The following SH3TC2 variants were observed in gnomAD, a reference collection of about 807,000 sequenced individuals.
SH3TC2 encodes SH3 domain and tetratricopeptide repeat-containing protein 2.
Under a neutral mutation model 124.5 loss-of-function variants are expected in SH3TC2, and 87 were observed. The observed-to-expected ratio is 0.70, with a 90% CI of 0.59 to 0.84. The LOEUF (loss-of-function observed/expected upper bound fraction) is 0.84. Ranked by LOEUF, SH3TC2 falls within the 40% of genes least tolerant of loss-of-function variation. The pLI is 0.00. For synonymous variants in SH3TC2, 634 were observed against 628.5 expected (o/e 1.01, Z -0.13); for missense variants, 1,536 against 1,566.4 (o/e 0.98, Z 0.33).
At chr5:149,036,403 T>C (rs1018971231) in intron 8 of SH3TC2, among the ~76,000 whole-genome samples, 5 of 152,160 alleles carry the variant, frequency 3.3e-5, no homozygotes, top group African/African-American at 1.2e-4. Context: ...TCTTCCTCTC[T>C]GTGGCTCCTC....
At position 148,986,100 on chromosome 5, in the gene SH3TC2, A is replaced by T. The variant is rs1160147092; in HGVS notation, c.*18611T>A. On this transcript the variant is annotated 3_prime_UTR_variant, in exon 17 of 17. Coordinates refer to ENST00000515425, the MANE Select transcript of SH3TC2 (RefSeq NM_024577.4). ...AGTAAGGCTGTTTTGATCCAATTAT[A>T]ATCAATTTTCACTCACTAAGGCCCT... Among the ~76,000 whole-genome samples, 1 of 152,194 alleles carries T rather than the reference A, an allele frequency of 6.6e-6. No homozygotes were observed. The highest frequency in any genetic ancestry group is 1.5e-5 in the Non-Finnish European group (1 of 68,030).
rs1295103017 is a variant in SH3TC2 at position 148,987,014 on chromosome 5, A to T, written c.*17697T>A. Among the ~76,000 whole-genome samples, 4 of 152,250 alleles carry T rather than the reference A, an allele frequency of 2.6e-5. No individual in the cohort carries two copies. The highest frequency in any genetic ancestry group is 9.6e-5 in the African/African-American group (4 of 41,466). ...TAAAATGATTTTTGGAAAATGAAATATTAATTCCCCAGCTAATGTATTTCA... is the reference window on the plus strand; with the variant it reads ...TAAAATGATTTTTGGAAAATGAAATTTTAATTCCCCAGCTAATGTATTTCA... On this transcript the variant is annotated 3_prime_UTR_variant, in exon 17 of 17. Transcript: ENST00000515425.
At chr5:149,035,749 G>A (rs1478944320) in intron 8 of SH3TC2, 1 of 152,142 alleles carries the variant, frequency 6.6e-6, no homozygotes, top group African/African-American at 2.4e-5. Flanking sequence ...GAATGTCATA[G>A]TCCACCTCAC....
chr5:149,040,111 T>C (rs1754343683), intron 7 of SH3TC2, among the ~76,000 whole-genome samples: 1 of 152,202 alleles, frequency 6.6e-6, no homozygotes, highest in Admixed American at 6.5e-5. Context: ...TGTGTGTGTG[T>C]ATATAATTCA....
rs1753315768 is a variant in SH3TC2, at chr5:148,985,324, C to T, written c.*19387G>A. Among the ~76,000 whole-genome samples the T allele has an allele frequency of 6.6e-6, 1 of 152,170 alleles. No homozygotes were observed. The highest frequency in any genetic ancestry group is 1.5e-5 in the Non-Finnish European group (1 of 68,010). On this transcript the variant is annotated 3_prime_UTR_variant, in exon 17 of 17. Transcript: ENST00000515425. ...AATGCATTCAATGCCATCACTACTA[C>T]AATCAAGATATAGAACAGCTCCATC...
At position 149,017,602 on chromosome 5, in the gene SH3TC2, G is replaced by A. The variant is rs1040633721; in HGVS notation, c.3054-4868C>T. ...AAAAGAAATTAAAATCAGTAAAAAG[G>A]CAGCATAAGATCATAAATTGAGAAG... is the stretch of plus-strand genomic sequence containing the variant. On this transcript the variant is annotated intron_variant, in intron 12 of 16. Transcript: ENST00000515425. 2.0e-5 allele frequency among the ~76,000 whole-genome samples: 3 copies of A among 152,114 alleles called. No individual in the cohort carries two copies. The East Asian group carries it at 5.8e-4, about 29-fold the overall frequency.
chr5:149,052,264 C>A, intron 1 of SH3TC2, 24 bp from the exon 2 acceptor site: 2 of 1,555,966 alleles, frequency 1.3e-6, no homozygotes, highest in South Asian at 2.2e-5. Flanking sequence ...AATAAAAGGT[C>A]ATCTTAAGAG....
chr5:149,052,054 A>G lies in SH3TC2; in HGVS notation c.151+88T>C, dbSNP rs1197651404. The G allele has an allele frequency of 5.3e-6, 5 of 939,982 alleles. No individual in the cohort carries two copies. In the African/African-American group the frequency reaches 8.1e-5, roughly 15 times the overall value. The allele number at this position is 939,982 out of a possible 1,614,324, so 58.2% of individuals were successfully genotyped here. On this transcript the variant is annotated intron_variant, in intron 2 of 16. Coordinates refer to ENST00000515425, the MANE Select transcript of SH3TC2 (RefSeq NM_024577.4). ...AAAATCTTTTCATCAAGAGGGAAAG[A>G]GGGAGGGGCTCTTTAGATGGGAAAG...
intron 9 of SH3TC2, 27 bp downstream of exon 9, chr5:149,031,527 T>G: frequency 3.7e-6 from 6 of 1,614,064 alleles, no homozygotes; most frequent in Non-Finnish European, 5.1e-6. Context: ...CCCAGGCTTT[T>G]GAAGGTGTCT....
At chr5:149,008,549 G>A (rs367827211) in intron 15 of SH3TC2, 70 of 476,714 alleles carry the variant, frequency 1.5e-4, no homozygotes, top group African/African-American at 1.2e-3. Flanking sequence ...GTGTGGCACA[G>A]GCAACACTTA....
rs1753470042 is a variant in SH3TC2 at position 148,994,430 on chromosome 5, T to C, written c.*10281A>G. On this transcript the variant is annotated 3_prime_UTR_variant, in exon 17 of 17. Transcript: ENST00000515425. Reference sequence around the variant, plus strand: ...ATCTAAGCTGTGATGGTAAGAATAATAGGTAAGTTTATCAGAGGACTCTGA... The same window carrying C: ...ATCTAAGCTGTGATGGTAAGAATAACAGGTAAGTTTATCAGAGGACTCTGA... 6.6e-6 allele frequency among the ~76,000 whole-genome samples: 1 copy of C among 152,230 alleles called. No individual in the cohort carries two copies. The highest frequency in any genetic ancestry group is 2.1e-4 in the South Asian group (1 of 4,824).
chr5:149,017,979 T>TCC (rs2127394604), intron 12 of SH3TC2, among the ~76,000 whole-genome samples: 1 of 152,258 alleles, frequency 6.6e-6, no homozygotes, highest in South Asian at 2.1e-4. Context: ...CAGAGTGGAG[T>TCC]ACTTGTGGCA....
intron 12 of SH3TC2, among the ~76,000 whole-genome samples, chr5:149,018,786 A>G (rs891507531): frequency 7.2e-5 from 11 of 152,208 alleles, no homozygotes; most frequent in Non-Finnish European, 1.5e-4. Context: ...TGACCTCTCC[A>G]TGGCTACTGC....
At position 148,986,147 on chromosome 5, in the gene SH3TC2, C is replaced by A. The variant is rs1753329157; in HGVS notation, c.*18564G>T. ...CCCTGCTTAATAGCCTATTTTACTG[C>A]CCGTGTGAACTTGGGTATGTTACAT... On this transcript the variant is annotated 3_prime_UTR_variant, in exon 17 of 17. Transcript: ENST00000515425. Among the ~76,000 whole-genome samples, 2 of 152,154 alleles carry A rather than the reference C, an allele frequency of 1.3e-5. No individual in the cohort carries two copies. The highest frequency in any genetic ancestry group is 2.9e-5 in the Non-Finnish European group (2 of 68,030).
At position 149,000,000 on chromosome 5, in the gene SH3TC2, G is replaced by A. The variant is rs1446720068; in HGVS notation, c.*4711C>T. ...TCTGTCAATACCAACCTGCTGGTCTGCAGTTAGAATTAAGTAAGTGTCCCT... is the reference window on the plus strand; with the variant it reads ...TCTGTCAATACCAACCTGCTGGTCTACAGTTAGAATTAAGTAAGTGTCCCT... On this transcript the variant is annotated 3_prime_UTR_variant, in exon 17 of 17. Transcript: ENST00000515425. 6.6e-6 allele frequency among the ~76,000 whole-genome samples: 1 copy of A among 152,132 alleles called. No homozygotes were observed. Among genetic ancestry groups the A allele is most frequent in the Non-Finnish European group, 1.5e-5 (1 of 68,028 alleles).
At chr5:149,011,996 G>C (rs1454823443) in intron 13 of SH3TC2, among the ~76,000 whole-genome samples, 2 of 152,106 alleles carry the variant, frequency 1.3e-5, no homozygotes, top group African/African-American at 4.8e-5. Context: ...CTAAAAGATA[G>C]AGTTCAGTTC....
intron 3 of SH3TC2, 98 bp from the exon 4 acceptor site, chr5:149,044,736 T>C: frequency 3.4e-6 from 3 of 887,908 alleles, no homozygotes; most frequent in Admixed American, 4.1e-5. Context: ...TTCTTGATTA[T>C]GGCATTGATT....
intron 1 of SH3TC2, among the ~76,000 whole-genome samples, chr5:149,061,321 C>T (rs180744864): frequency 6.6e-6 from 1 of 152,250 alleles, no homozygotes; most frequent in Admixed American, 6.5e-5. Context: ...CAGAGCCGCT[C>T]TAGGTAGGAA....
intron 8 of SH3TC2, among the ~76,000 whole-genome samples, chr5:149,032,482 A>G (rs1289166863): frequency 2.0e-5 from 3 of 152,248 alleles, no homozygotes; most frequent in African/African-American, 4.8e-5. Flanking sequence ...AGTTCTAAAT[A>G]GAGAATGTTT....
Sources: gnomAD v4.1 joint callset for allele counts (sites outside exome capture counted in the v4.1 genomes callset) on GRCh38, gnomAD v4.1.1 for gene constraint, MANE v1.5 for transcripts, NCBI Gene and HGNC (gene_info 2026-07-23, HGNC 2026-07-21) for gene names.